Variants in ABI2 observed in about 807,000 individuals in gnomAD.
ABI2 encodes the protein abl interactor 2.
ABI2 carries 25 observed loss-of-function variants against 59.2 expected under a neutral mutation model. The observed-to-expected ratio is 0.42, with a 90% CI of 0.31 to 0.59. The LOEUF (loss-of-function observed/expected upper bound fraction) is 0.59, where lower values mean the gene tolerates loss of function less well. ABI2 is among the 20% of genes least tolerant of loss of function. The probability of loss-of-function intolerance (pLI) is 0.14; values close to 1 mark genes in which losing one functional copy is unlikely to be tolerated. For synonymous variants in ABI2, 213 were observed against 235.5 expected (o/e 0.90, Z 0.87); for missense variants, 545 against 681.8 (o/e 0.80, Z 2.23).
At chr2:203,381,026 G>A (rs2096083792) in intron 3 of ABI2, among the ~76,000 whole-genome samples, 1 of 152,092 alleles carries the variant, frequency 6.6e-6, no homozygotes, top group Non-Finnish European at 1.5e-5. Context: ...TGTCTGATCA[G>A]TAGTTTGAAA....
chr2:203,392,422 T>TG (rs2096796450), intron 5 of ABI2, among the ~76,000 whole-genome samples: 1 of 151,552 alleles, frequency 6.6e-6, no homozygotes, highest in Admixed American at 6.6e-5. Flanking sequence ...TGAGATGTAG[T>TG]GGAGGATAGT....
chr2:203,402,401 T>C (rs536712032), intron 8 of ABI2, among the ~76,000 whole-genome samples, 175 bp from the exon 9 acceptor site: 13 of 152,252 alleles, frequency 8.5e-5, no homozygotes, highest in Non-Finnish European at 1.3e-4. Context: ...TTTTCTGCTT[T>C]TGTACTCTGA....
intron 1 of ABI2, chr2:203,328,938 G>A (rs1007484479): frequency 8.3e-6 from 2 of 239,906 alleles, no homozygotes; most frequent in Non-Finnish European, 1.6e-5. Flanking sequence ...TCCGGATGGC[G>A]GAGGGGGCGG....
At chr2:203,406,167 A>T (rs1256548746) in intron 9 of ABI2, among the ~76,000 whole-genome samples, 1 of 152,230 alleles carries the variant, frequency 6.6e-6, no homozygotes, top group Non-Finnish European at 1.5e-5. Flanking sequence ...TCTCTACTTT[A>T]AATGTAAATA....
At chr2:203,336,951 G>GT (rs1254905223) in intron 1 of ABI2, among the ~76,000 whole-genome samples, 1 of 152,086 alleles carries the variant, frequency 6.6e-6, no homozygotes, top group Non-Finnish European at 1.5e-5. Flanking sequence ...TCAGCATTTG[G>GT]TTTTGTCAGG....
intron 11 of ABI2, among the ~76,000 whole-genome samples, chr2:203,423,227 A>G (rs1044749998): frequency 1.3e-5 from 2 of 152,140 alleles, no homozygotes; most frequent in Non-Finnish European, 2.9e-5. Context: ...AGTTACCTTT[A>G]TTACTCACTG....
chr2:203,368,432 A>G (rs2094708843), intron 2 of ABI2, among the ~76,000 whole-genome samples: 1 of 152,080 alleles, frequency 6.6e-6, no homozygotes, highest in Non-Finnish European at 1.5e-5. Context: ...TGTGCATATT[A>G]TTATTATTTT....
intron 4 of ABI2, among the ~76,000 whole-genome samples, chr2:203,387,101 C>G (rs1480731043): frequency 1.5e-5 from 2 of 131,468 alleles, no homozygotes; most frequent in Non-Finnish European, 3.1e-5. Flanking sequence ...ACTCTTGTAC[C>G]TAGAGGGTCT....
intron 10 of ABI2, among the ~76,000 whole-genome samples, chr2:203,412,922 C>A (rs911633926): frequency 6.6e-6 from 1 of 152,230 alleles, no homozygotes; most frequent in Non-Finnish European, 1.5e-5. Flanking sequence ...TTCCATTCTA[C>A]ATACTCCATA....
At chr2:203,388,204 G>A (rs1160676451) in intron 4 of ABI2, among the ~76,000 whole-genome samples, 1 of 152,078 alleles carries the variant, frequency 6.6e-6, no homozygotes, top group Non-Finnish European at 1.5e-5. Context: ...CTGCCTTGAG[G>A]AAATATTGAA....
At position 203,387,056 on chromosome 2, in the gene ABI2, C is replaced by CTT. The variant is rs35497226; in HGVS notation, c.481-3971_481-3970dup. Among the ~76,000 whole-genome samples the CTT allele has an allele frequency of 7.9e-3, 916 of 116,270 alleles. 13 individuals are homozygous for CTT. The highest frequency in any genetic ancestry group is 0.023 in the Middle Eastern group (4 of 172). 76.3% of individuals were successfully genotyped at this position (116,270 alleles called of 152,430 possible). ...TTTTTTTTCCCCGCAGGCTCCCTTC[C>CTT]TTTTTTTTTTTTTTTTTTTTCCCCA... On this transcript the variant is annotated intron_variant, in intron 4 of 11. Transcript: ENST00000261018.
intron 2 of ABI2, among the ~76,000 whole-genome samples, chr2:203,375,485 A>C (rs1162882241): frequency 1.3e-5 from 2 of 152,200 alleles, no homozygotes; most frequent in East Asian, 3.8e-4. Flanking sequence ...TCAGTGTTGA[A>C]CTTGTACTTC....
At chr2:203,390,386 C>T (rs1037931432) in intron 4 of ABI2, among the ~76,000 whole-genome samples, 1 of 152,276 alleles carries the variant, frequency 6.6e-6, no homozygotes, top group Non-Finnish European at 1.5e-5. Flanking sequence ...AATCCTAGCA[C>T]TTTGGGAGGC....
At chr2:203,393,351 G>A (rs547601060) in intron 5 of ABI2, among the ~76,000 whole-genome samples, 4 of 152,284 alleles carry the variant, frequency 2.6e-5, no homozygotes, top group African/African-American at 7.2e-5. Context: ...CACTGCACCC[G>A]GCTGCAACAA....
intron 5 of ABI2, among the ~76,000 whole-genome samples, chr2:203,394,107 GGT>G (rs1243615872): frequency 6.6e-6 from 1 of 152,178 alleles, no homozygotes; most frequent in Non-Finnish European, 1.5e-5. Flanking sequence ...AAGAGATCAA[GGT>G]GAAAGTTGAG....
At chr2:203,398,980 G>A (rs2097114002) in intron 8 of ABI2, among the ~76,000 whole-genome samples, 1 of 152,076 alleles carries the variant, frequency 6.6e-6, no homozygotes, top group African/African-American at 2.4e-5. Context: ...CTAGTTTTGA[G>A]TGCTTATGAA....
intron 2 of ABI2, among the ~76,000 whole-genome samples, chr2:203,368,585 T>G (rs78891853): frequency 0.038 from 5,740 of 152,140 alleles, 353 homozygotes; most frequent in African/African-American, 0.13. Context: ...GTCAGACCAA[T>G]TTAGAGAGAT....
At position 203,411,348 on chromosome 2, in the gene ABI2, T is replaced by C; in HGVS notation, c.1256T>C (p.Phe419Ser). The change falls in exon 10 of 12, where the codon TTT becomes TCT. Residue 419 changes from phenylalanine (F) to serine (S), a missense_variant. By Grantham distance (155) the Phe-to-Ser change is radical. This residue lies in a region of ABI2 where 410 missense variants were observed against 435.6 expected (regional missense o/e 0.94). Transcript: ENST00000261018. ...QVTPQLPLMG[F>S]VARVQENISD... Reference sequence around the variant, plus strand: ...ACTCCTCAGTTACCTTTAATGGGATTTGTGGCCAGAGTCCAAGAAAATAGT... The same window carrying C: ...ACTCCTCAGTTACCTTTAATGGGATCTGTGGCCAGAGTCCAAGAAAATAGT... The C allele has an allele frequency of 6.2e-7, 1 of 1,613,596 alleles. No individual in the cohort carries two copies. The highest frequency in any genetic ancestry group is 8.5e-7 in the Non-Finnish European group (1 of 1,179,620).
At chr2:203,425,224 TTTTA>T (rs2098391411) in intron 11 of ABI2, among the ~76,000 whole-genome samples, 1 of 152,132 alleles carries the variant, frequency 6.6e-6, no homozygotes, top group African/African-American at 2.4e-5. Flanking sequence ...TTTCTTTTTC[TTTTA>T]TTTTTCTTTT....
Sources: gnomAD v4.1 joint callset for allele counts (sites outside exome capture counted in the v4.1 genomes callset) on GRCh38, gnomAD v4.1.1 for gene constraint, gnomAD v4.1.1 regional missense constraint, MANE v1.5 for transcripts, NCBI Gene and HGNC (gene_info 2026-07-23, HGNC 2026-07-21) for gene names.